ACIN1: variants seen among roughly 807,000 people sequenced by gnomAD.
ACIN1 encodes apoptotic chromatin condensation inducer in the nucleus.
A neutral mutation model predicts 146.6 loss-of-function variants in ACIN1; 16 were observed. That is an observed-to-expected ratio of 0.11 (90% confidence interval 0.07 to 0.17). The LOEUF is 0.17. Ranked by LOEUF, ACIN1 falls within the 10% of genes least tolerant of loss-of-function variation. ACIN1 has a pLI of 1.00. For synonymous variants in ACIN1, 569 were observed against 582.7 expected (o/e 0.98, Z 0.34); for missense variants, 1,357 against 1,609.3 (o/e 0.84, Z 2.68).
At chr14:23,089,036 TATTATG>T (rs1418757219) in intron 4 of ACIN1, among the ~76,000 whole-genome samples, 1 of 152,172 alleles carries the variant, frequency 6.6e-6, no homozygotes, top group African/African-American at 2.4e-5. Flanking sequence ...ATTGGGTGCC[TATTATG>T]ATTTTATGTA....
In ACIN1 at chr14:23,067,495, CA is replaced by C. The variant is rs1157057376; in HGVS notation, c.2266-1488del. The C allele has an allele frequency of 1.3e-5, 11 of 823,278 alleles. No homozygotes were observed. Among genetic ancestry groups the C allele is most frequent in the African/African-American group, 2.1e-5 (1 of 46,960 alleles). 51.0% of individuals were successfully genotyped at this position (823,278 alleles called of 1,614,324 possible). ...CACTGCCAGAGTCCTCCCAGGGGCG[CA>C]GGGGGGGCGGGAGGGAAACGTGTGG... is the stretch of plus-strand genomic sequence containing the variant. On this transcript the variant is annotated intron_variant, in intron 9 of 18. Coordinates refer to ENST00000605057, the MANE Select transcript of ACIN1 (RefSeq NM_001386863.1). The surrounding 1 kb of genome is among the most constrained non-coding windows in gnomAD (Gnocchi z 4.6).
In ACIN1 at chr14:23,080,749, T is replaced by C; in HGVS notation, c.586A>G (p.Thr196Ala). ...QPAEEEEDQE[T>A]PSRNLRVRAD... ...CTGACCCTTAGGTTTCTGGAAGGTG[T>C]TTCTTGATCCTCTTCCTCCTCAGCA... The change falls in exon 6 of 19, where the codon ACA becomes GCA. Residue 196 changes from threonine (T) to alanine (A), a missense_variant. Coordinates refer to ENST00000605057, the MANE Select transcript of ACIN1 (RefSeq NM_001386863.1). 6.2e-7 allele frequency: 1 copy of C among 1,613,740 alleles called. No homozygotes were observed. Among genetic ancestry groups the C allele is most frequent in the Non-Finnish European group, 8.5e-7 (1 of 1,179,716 alleles).
intron 8 of ACIN1, chr14:23,071,606 G>A: frequency 2.0e-6 from 3 of 1,510,914 alleles, no homozygotes; most frequent in Non-Finnish European, 2.7e-6. Flanking sequence ...GGGCCTTGCT[G>A]CAGCAGGGGA....
At chr14:23,095,313 C>T (rs750870390), upstream of ACIN1, 3 of 1,566,076 alleles carry the variant, frequency 1.9e-6, no homozygotes, top group South Asian at 1.2e-5. Context: ...TTTCCATCCG[C>T]CCTGCAGCGC....
At chr14:23,059,708 C>G (rs1290729616) in intron 18 of ACIN1, among the ~76,000 whole-genome samples, 3 of 149,826 alleles carry the variant, frequency 2.0e-5, no homozygotes, top group African/African-American at 7.4e-5. Context: ...GCTGGGAGTG[C>G]AGTGGCACGA....
At position 23,058,619 on chromosome 14, in the gene ACIN1, TAAA is replaced by T. The variant is rs906062505; in HGVS notation, c.*526_*528del. On this transcript the variant is annotated 3_prime_UTR_variant, in exon 19 of 19. Coordinates refer to ENST00000605057, the MANE Select transcript of ACIN1 (RefSeq NM_001386863.1). The stretch of plus-strand genomic sequence containing the variant: ...TTCCATAGACCACATCATTTAATAA[TAAA>T]AAAAATAAAAATAAAAATTGAACAA... The T allele has an allele frequency of 2.0e-5, 3 of 153,456 alleles. No homozygotes were observed. Among genetic ancestry groups the T allele is most frequent in the Non-Finnish European group, 4.3e-5 (3 of 69,134 alleles). 9.5% of individuals were successfully genotyped at this position (153,456 alleles called of 1,614,324 possible). A position where few individuals can be genotyped will look rare whatever the true frequency, so the allele number is the denominator to read the frequency against.
chr14:23,073,243 G>C (rs190179839), intron 8 of ACIN1, among the ~76,000 whole-genome samples: 1 of 152,280 alleles, frequency 6.6e-6, no homozygotes, highest in African/African-American at 2.4e-5. Flanking sequence ...ATTCCTCAAG[G>C]GTAGGGATTG....
rs2047175261 is a variant in ACIN1 at position 23,058,806 on chromosome 14, G to C, written c.*342C>G. On this transcript the variant is annotated 3_prime_UTR_variant, in exon 19 of 19. Coordinates refer to ENST00000605057, the MANE Select transcript of ACIN1 (RefSeq NM_001386863.1). ...CCCCGGCTGTTCCCAAGAGAAGGCT[G>C]TAAGTACCCAGGGAGGTGGTAAGCA... 2.4e-5 allele frequency: 8 copies of C among 329,714 alleles called. No individual in the cohort carries two copies. Among genetic ancestry groups the C allele is most frequent in the East Asian group, 1.8e-4 (3 of 17,132 alleles). The allele number at this position is 329,714 out of a possible 1,614,324, so 20.4% of individuals were successfully genotyped here.
Position 23,061,030 on chromosome 14 carries a change from C to T in ACIN1, c.3525+54G>A, listed in dbSNP as rs985432194. 11 of 1,548,682 alleles carry T rather than the reference C, an allele frequency of 7.1e-6. No individual in the cohort carries two copies. In the African/African-American group the frequency reaches 1.4e-4, roughly 19 times the overall value. On this transcript the variant is annotated intron_variant, in intron 18 of 18. Coordinates refer to ENST00000605057, the MANE Select transcript of ACIN1 (RefSeq NM_001386863.1). ...GCAGTCACATGAATCTCCCCTCACC[C>T]TGACCTCAAGCCTCAGTGCCACTAG...
In ACIN1 at chr14:23,093,543, G is replaced by A. The variant is rs763819410; in HGVS notation, c.140C>T (p.Ala47Val). The change falls in exon 2 of 19, where the codon GCT becomes GTT. Residue 47 changes from alanine to valine, a missense_variant and splice_region_variant. This residue lies in a region of ACIN1 where 55 missense variants were observed against 123.9 expected (regional missense o/e 0.44). Transcript: ENST00000605057. ...KSALVKRLKG[A>V]LMLENLQKHS... is the part of the protein sequence containing the mutation. ...TTTCTGTAAATTTTCTAGCATTAGA[G>A]CCTGGTATAGAGAAGGGTAAAAGTC... is the stretch of plus-strand genomic sequence containing the variant. 6.2e-7 allele frequency: 1 copy of A among 1,613,704 alleles called. No homozygotes were observed. The highest frequency in any genetic ancestry group is 8.5e-7 in the Non-Finnish European group (1 of 1,179,680).
Position 23,069,607 on chromosome 14 carries a change from C to T in ACIN1, c.2134G>A (p.Glu712Lys), listed in dbSNP as rs747662327. Residue 712 changes from glutamate to lysine, a missense_variant, in exon 9 of 19, where the codon GAG becomes AAG. Physicochemically the swap from Glu to Lys is moderately conservative, Grantham distance 56 (BLOSUM62 1). Around this residue, in one of 4 missense-constraint regions of ACIN1, gnomAD observed 771 missense variants for 746.6 expected, o/e 1.03. Transcript: ENST00000605057. Reference protein sequence around the residue: ...ERIHHTVEEKEEVTMDTSENR... With the variant: ...ERIHHTVEEKKEVTMDTSENR... ...TCACTTGTGTCCATGGTCACTTCCT[C>T]CTTCTCCTCACTGACAGGAGGGGGG... The T allele has an allele frequency of 1.2e-6, 2 of 1,608,894 alleles. No individual in the cohort carries two copies. Among genetic ancestry groups the T allele is most frequent in the Non-Finnish European group, 1.7e-6 (2 of 1,177,750 alleles).
intron 8 of ACIN1, 35 bp from the exon 9 acceptor site, chr14:23,069,652 G>GGGGGGGGGGGGCCCCGCC: frequency 1.7e-6 from 1 of 577,974 alleles, no homozygotes; most frequent in Non-Finnish European, 3.3e-6. Flanking sequence ...GGGGGGGCGG[G>GGGGGGGGGGGGCCCCGCC]CAGAAAAGAA....
At position 23,068,232 on chromosome 14, in the gene ACIN1, G is replaced by C. The variant is rs147452930; in HGVS notation, c.2265+1244C>G. Reference sequence around the variant, plus strand: ...TCAGTGTTTTACAGCATGGCACTGCGATCACAAACTTTAGGAGGTCTTGGT... The same window carrying C: ...TCAGTGTTTTACAGCATGGCACTGCCATCACAAACTTTAGGAGGTCTTGGT... On this transcript the variant is annotated intron_variant, in intron 9 of 18. Coordinates refer to ENST00000605057, the MANE Select transcript of ACIN1 (RefSeq NM_001386863.1). This position sits in a 1 kb window ranked among gnomAD's most constrained non-coding sequence, Gnocchi z 4.3. 5.8e-5 allele frequency: 57 copies of C among 985,836 alleles called. 2 individuals are homozygous for C. The East Asian group carries it at 6.4e-3, about 110-fold the overall frequency. The allele number at this position is 985,836 out of a possible 1,614,324, so 61.1% of individuals were successfully genotyped here.
In ACIN1 at chr14:23,071,113, T is replaced by G. The variant is rs76091985; in HGVS notation, c.2124-1496A>C. On this transcript the variant is annotated intron_variant, in intron 8 of 18. Transcript: ENST00000605057. ...CGGGGAAAAGGCATACATGGAAATG[T>G]GAAGCTCTCACCCTTCTTTGCTTTC... is the stretch of plus-strand genomic sequence containing the variant. 12,486 of 1,551,544 alleles carry G rather than the reference T, an allele frequency of 8.0e-3. 844 individuals are homozygous for G. The African/African-American group carries it at 0.15, about 18-fold the overall frequency.
rs776311145 is a variant in ACIN1 at position 23,078,193 on chromosome 14, T to C, written c.2081A>G (p.Gln694Arg). The change falls in exon 8 of 19, where the codon CAG becomes CGG. Residue 694 changes from glutamine (Q) to arginine (R), a missense_variant. Coordinates refer to ENST00000605057, the MANE Select transcript of ACIN1 (RefSeq NM_001386863.1). The part of the protein sequence containing the change: ...AATQPQTSET[Q>R]TSHLPESERI... ...TTCTGATTCTGGCAGATGAGAGGTC[T>C]GAGTCTCTGAGGTTTGGGGCTGTGT... 6.2e-7 allele frequency: 1 copy of C among 1,614,204 alleles called. No individual in the cohort carries two copies. The highest frequency in any genetic ancestry group is 8.5e-7 in the Non-Finnish European group (1 of 1,180,028).
intron 8 of ACIN1, among the ~76,000 whole-genome samples, chr14:23,077,172 C>T (rs1379135173): frequency 6.6e-6 from 1 of 152,162 alleles, no homozygotes; most frequent in Admixed American, 6.5e-5. Flanking sequence ...TGTCACCTGC[C>T]CACTACCCTC....
Position 23,069,641 on chromosome 14 carries a change from T to TG in ACIN1, c.2124-25dup, listed in dbSNP as rs539553201. 177 of 310,818 alleles carry TG rather than the reference T, an allele frequency of 5.7e-4. 1 individual carries two copies. The highest frequency in any genetic ancestry group is 5.4e-3 in the African/African-American group (98 of 18,064). The allele number at this position is 310,818 out of a possible 1,614,324, so 19.3% of individuals were successfully genotyped here. The stretch of plus-strand genomic sequence containing the variant: ...CACTGACAGGAGGGGGGAGTGGTGG[T>TG]GGGGGGGCGGGCAGAAAAGAACCAA... On this transcript the variant is annotated intron_variant, in intron 8 of 18. Coordinates refer to ENST00000605057, the MANE Select transcript of ACIN1 (RefSeq NM_001386863.1).
chr14:23,094,426 G>T, intron 1 of ACIN1: 20 of 976,154 alleles, frequency 2.0e-5, no homozygotes, highest in Non-Finnish European at 2.3e-5. Context: ...ATTGCCACTA[G>T]ATGCCACTAA....
At chr14:23,085,575 G>A (rs1028673042) in intron 4 of ACIN1, among the ~76,000 whole-genome samples, 4 of 152,188 alleles carry the variant, frequency 2.6e-5, no homozygotes, top group African/African-American at 9.6e-5. Flanking sequence ...GAACAGGGCT[G>A]TTCAGAAAGT....
Sources: gnomAD v4.1 joint callset for allele counts (sites outside exome capture counted in the v4.1 genomes callset) on GRCh38, gnomAD v4.1.1 for gene constraint, gnomAD v4.1.1 regional missense constraint, Gnocchi (gnomAD v3.1) non-coding constraint, MANE v1.5 for transcripts, NCBI Gene and HGNC (gene_info 2026-07-23, HGNC 2026-07-21) for gene names.